MDGA1: variants seen among roughly 807,000 people sequenced by gnomAD.
MDGA1 encodes MAM domain containing glycosylphosphatidylinositol anchor 1, also known as MAM domain-containing glycosylphosphatidylinositol anchor protein 1.
A neutral mutation model predicts 101.5 loss-of-function variants in MDGA1; 54 were observed. The ratio of observed to expected loss-of-function variants is 0.53; its 90% CI spans 0.43 to 0.67. The LOEUF (loss-of-function observed/expected upper bound fraction) is 0.67, where lower values mean the gene tolerates loss of function less well. MDGA1 is among the 30% of genes least tolerant of loss of function. The pLI is 0.00. For missense variants in MDGA1, 1,083 were observed against 1,323.8 expected (o/e 0.82, Z 2.82); for synonymous variants, 533 against 558.3 (o/e 0.95, Z 0.64).
chr6:37,647,811 G>A (rs1461083547), intron 9 of MDGA1, among the ~76,000 whole-genome samples: 3 of 152,088 alleles, frequency 2.0e-5, no homozygotes, highest in Non-Finnish European at 4.4e-5. Flanking sequence ...AGGGGCCTCT[G>A]GCTGGCAGGG....
Position 37,649,057 on chromosome 6 carries a change from G to GCTACGACAGCTGCTGTCGC in MDGA1, c.1818_1819insGCGACAGCAGCTGTCGTAG (p.Arg607AlafsTer118). ...CACTCGTAGCTGCCGCTGCTGTCGC[G>GCTACGACAGCTGCTGTCGC]AGTTACGGCGTCGAGGCGCAGCTCC... On this transcript the variant is annotated frameshift_variant, in exon 9 of 17. Transcript: ENST00000434837. LOFTEE classifies it high-confidence loss of function. The GCTACGACAGCTGCTGTCGC allele has an allele frequency of 6.5e-7, 1 of 1,544,092 alleles. No individual in the cohort carries two copies. The highest frequency in any genetic ancestry group is 8.7e-7 in the Non-Finnish European group (1 of 1,145,224).
intron 1 of MDGA1, among the ~76,000 whole-genome samples, chr6:37,684,171 T>G (rs932744372): frequency 6.6e-6 from 1 of 152,220 alleles, no homozygotes; most frequent in African/African-American, 2.4e-5. Flanking sequence ...GTGGCAGTGC[T>G]TCTGCCAGCT....
chr6:37,687,482 T>C (rs1198965255), intron 1 of MDGA1, among the ~76,000 whole-genome samples: 2 of 151,720 alleles, frequency 1.3e-5, no homozygotes, highest in African/African-American at 2.4e-5. Flanking sequence ...GGTGGGAGGA[T>C]TGCCTGAGCC....
intron 9 of MDGA1, chr6:37,648,752 C>G: frequency 1.3e-6 from 1 of 748,692 alleles, no homozygotes; most frequent in South Asian, 2.0e-5. Flanking sequence ...GGGCGTGGCC[C>G]GCACCTGGAG....
At chr6:37,692,122 C>T (rs996485395) in intron 1 of MDGA1, among the ~76,000 whole-genome samples, 7 of 152,016 alleles carry the variant, frequency 4.6e-5, no homozygotes, top group African/African-American at 1.7e-4. Flanking sequence ...ATAACTCATC[C>T]CTCAGATAGG....
At chr6:37,637,979 G>C (rs2113992455) in intron 16 of MDGA1, 1 of 600,384 alleles carries the variant, frequency 1.7e-6, no homozygotes. Flanking sequence ...GAACAGGTCA[G>C]TATGCTCATC....
At position 37,667,169 on chromosome 6, in the gene MDGA1, T is replaced by C. The variant is rs571743270; in HGVS notation, c.68-3063A>G. 9.9e-4 allele frequency among the ~76,000 whole-genome samples: 151 copies of C among 152,326 alleles called. 1 individual carries two copies. Among genetic ancestry groups the C allele is most frequent in the South Asian group, 6.8e-3 (33 of 4,818 alleles). The stretch of plus-strand genomic sequence containing the variant: ...CAGGTCGATAAACTTGGTCAGCAAC[T>C]GGGAGTGACACAGGCTATGTTTAAC... On this transcript the variant is annotated intron_variant, in intron 1 of 16. Coordinates refer to ENST00000434837, the MANE Select transcript of MDGA1 (RefSeq NM_153487.4).
chr6:37,658,246 C>T lies in MDGA1; in HGVS notation c.381G>A (p.Gln127=), dbSNP rs752971845. The T allele has an allele frequency of 8.2e-6, 13 of 1,590,886 alleles. No homozygotes were observed. Among genetic ancestry groups the T allele is most frequent in the Admixed American group, 1.7e-5 (1 of 58,544 alleles). ...GGGAGAGAGGGGGCCTCAACTCACA[C>T]TGCACGTCCACGCGGATGGACTTGA... The part of the protein sequence containing the change: ...PAIKSIRVDV[Q]YLDEPMLTVH... The change falls in exon 3 of 17, where the codon CAG becomes CAA. Residue 127 remains glutamine, a splice_region_variant and synonymous_variant. Transcript: ENST00000434837.
chr6:37,660,036 C>CTT (rs11438604), intron 2 of MDGA1, among the ~76,000 whole-genome samples: 51,453 of 142,800 alleles, frequency 0.36, 11,099 homozygotes, highest in Non-Finnish European at 0.49. Flanking sequence ...TTATCTCTCT[C>CTT]TTTTTTTTTT....
chr6:37,694,400 C>G (rs1312983954), intron 1 of MDGA1, among the ~76,000 whole-genome samples: 1 of 152,216 alleles, frequency 6.6e-6, no homozygotes, highest in Non-Finnish European at 1.5e-5. Context: ...CTGCCTAGCT[C>G]CTGCTGTTGT....
At chr6:37,647,806 C>T (rs938734175) in intron 9 of MDGA1, among the ~76,000 whole-genome samples, 2 of 151,910 alleles carry the variant, frequency 1.3e-5, no homozygotes, top group Non-Finnish European at 2.9e-5. Context: ...GTCACAGGGG[C>T]CTCTGGCTGG....
chr6:37,668,571 C>G (rs79359497), intron 1 of MDGA1, among the ~76,000 whole-genome samples: 7 of 152,100 alleles, frequency 4.6e-5, no homozygotes, highest in African/African-American at 1.7e-4. Flanking sequence ...GAATATTCCC[C>G]GTTAAGTGAA....
At chr6:37,649,399 A>G in intron 8 of MDGA1, 133 bp from the exon 9 acceptor site, 1 of 1,368,564 alleles carries the variant, frequency 7.3e-7, no homozygotes, top group Non-Finnish European at 9.4e-7. Context: ...GCGGATGCAC[A>G]CTCGCAACAC....
At chr6:37,682,353 G>C (rs776514570) in intron 1 of MDGA1, among the ~76,000 whole-genome samples, 1 of 152,136 alleles carries the variant, frequency 6.6e-6, no homozygotes, top group Non-Finnish European at 1.5e-5. Context: ...GCGTGGTGGC[G>C]GGTGCCTGTA....
chr6:37,683,731 C>T (rs1408658178), intron 1 of MDGA1, among the ~76,000 whole-genome samples: 14 of 152,252 alleles, frequency 9.2e-5, no homozygotes, highest in African/African-American at 4.8e-5. Context: ...CAAGGGACAC[C>T]GATGTAACTG....
chr6:37,673,138 A>G (rs902664482), intron 1 of MDGA1, among the ~76,000 whole-genome samples: 1 of 152,158 alleles, frequency 6.6e-6, no homozygotes, highest in African/African-American at 2.4e-5. Flanking sequence ...AGGACACCCC[A>G]TTGGTCTGGA....
chr6:37,696,541 C>A lies in MDGA1; in HGVS notation c.67+204G>T, dbSNP rs942664370. The stretch of plus-strand genomic sequence containing the variant: ...TGGGTGCCTCCTCCTGACATCCCGG[C>A]TTCCCACCAGACCCTACGACCGGCC... On this transcript the variant is annotated intron_variant, in intron 1 of 16. Coordinates refer to ENST00000434837, the MANE Select transcript of MDGA1 (RefSeq NM_153487.4). The surrounding 1 kb of genome is among the most constrained non-coding windows in gnomAD (Gnocchi z 5.6). Among the ~76,000 whole-genome samples the A allele has an allele frequency of 6.6e-6, 1 of 152,236 alleles. No homozygotes were observed. The highest frequency in any genetic ancestry group is 1.5e-5 in the Non-Finnish European group (1 of 68,042).
In MDGA1 at chr6:37,646,387, A is replaced by G. The variant is rs1389775710; in HGVS notation, c.2047-12T>C. The G allele has an allele frequency of 3.4e-6, 5 of 1,468,476 alleles. No individual in the cohort carries two copies. The highest frequency in any genetic ancestry group is 4.8e-5 in the East Asian group (2 of 41,342). The allele number at this position is 1,468,476 out of a possible 1,614,324, so 91.0% of individuals were successfully genotyped here. On this transcript the variant is annotated splice_polypyrimidine_tract_variant and intron_variant, in intron 10 of 16. Coordinates refer to ENST00000434837, the MANE Select transcript of MDGA1 (RefSeq NM_153487.4). Reference sequence around the variant, plus strand: ...TTGTGCTGGTTCAACTGTTAAGTACAGAGAGTTCCCAGATGCCTAGGAAGT... The same window carrying G: ...TTGTGCTGGTTCAACTGTTAAGTACGGAGAGTTCCCAGATGCCTAGGAAGT...
chr6:37,643,721 T>C (rs1002993195), intron 14 of MDGA1, 88 bp downstream of exon 14: 16 of 1,557,542 alleles, frequency 1.0e-5, no homozygotes, highest in Admixed American at 1.8e-5. Context: ...AGGCCTCACA[T>C]GGGCCAGCCC....
Sources: gnomAD v4.1 joint callset for allele counts (sites outside exome capture counted in the v4.1 genomes callset) on GRCh38, gnomAD v4.1.1 for gene constraint, Gnocchi (gnomAD v3.1) non-coding constraint, MANE v1.5 for transcripts, NCBI Gene and HGNC (gene_info 2026-07-23, HGNC 2026-07-21) for gene names.